The following R3HCC1L variants were observed in gnomAD, a reference collection of about 807,000 sequenced individuals.
R3HCC1L encodes the protein coiled-coil domain-containing protein R3HCC1L.
Under a neutral mutation model 59.9 loss-of-function variants are expected in R3HCC1L, and 51 were observed. That is an observed-to-expected ratio of 0.85 (90% CI 0.68 to 1.07). The LOEUF (loss-of-function observed/expected upper bound fraction) is 1.07. Among genes scored for constraint, R3HCC1L ranks in the 50% least tolerant of loss-of-function variants. R3HCC1L has a pLI of 0.00. For missense variants in R3HCC1L, 965 were observed against 933.0 expected, an observed-to-expected ratio of 1.03 and a Z score of -0.45; for synonymous variants, 322 against 315.2, an observed-to-expected ratio of 1.02 and a Z score of -0.23.
intron 4 of R3HCC1L, among the ~76,000 whole-genome samples, chr10:98,183,178 C>A (rs1342448867): frequency 6.6e-6 from 1 of 152,168 alleles, no homozygotes; most frequent in African/African-American, 2.4e-5. Flanking sequence ...TTGGAATGGA[C>A]CACAAGGCTG....
At chr10:98,231,439 TTATATA>T (rs1856377508) in intron 5 of R3HCC1L, 67 bp from the exon 6 acceptor site, 2 of 1,352,058 alleles carry the variant, frequency 1.5e-6, no homozygotes, top group East Asian at 4.8e-5. Flanking sequence ...GGAGGATTGT[TTATATA>T]TAGGAATATA....
At chr10:98,213,987 G>A (rs1486088849) in intron 5 of R3HCC1L, among the ~76,000 whole-genome samples, 3 of 152,264 alleles carry the variant, frequency 2.0e-5, no homozygotes, top group African/African-American at 7.2e-5. Context: ...CAATCCATTA[G>A]TGAATGATGA....
At chr10:98,155,431 C>T (rs1287943100) in intron 1 of R3HCC1L, among the ~76,000 whole-genome samples, 2 of 152,026 alleles carry the variant, frequency 1.3e-5, no homozygotes, top group African/African-American at 4.8e-5. Context: ...ATATAAAGAT[C>T]TTCTAACAAA....
intron 4 of R3HCC1L, among the ~76,000 whole-genome samples, chr10:98,178,819 G>C (rs1393024836): frequency 6.6e-6 from 1 of 152,112 alleles, no homozygotes. Context: ...TATTCTCTTA[G>C]TAGCAATTGT....
intron 4 of R3HCC1L, among the ~76,000 whole-genome samples, chr10:98,185,137 T>C (rs966879134): frequency 1.3e-5 from 2 of 152,206 alleles, no homozygotes; most frequent in African/African-American, 4.8e-5. Context: ...TGTCTATTGA[T>C]ACGGGATTTT....
At chr10:98,152,294 G>A (rs905522541) in intron 1 of R3HCC1L, among the ~76,000 whole-genome samples, 7 of 152,100 alleles carry the variant, frequency 4.6e-5, no homozygotes, top group African/African-American at 1.7e-4. Flanking sequence ...GCGCCATCTC[G>A]GCTAGCTACG....
At chr10:98,172,526 GGA>G (rs1282629343) in intron 4 of R3HCC1L, among the ~76,000 whole-genome samples, 1 of 152,136 alleles carries the variant, frequency 6.6e-6, no homozygotes, top group Non-Finnish European at 1.5e-5. Flanking sequence ...ATGGTGGTTT[GGA>G]GAAAGTAGAA....
intron 6 of R3HCC1L, 128 bp from the exon 7 acceptor site, chr10:98,234,318 T>C (rs1042883458): frequency 1.3e-6 from 1 of 783,406 alleles, no homozygotes; most frequent in Non-Finnish European, 2.1e-6. Context: ...TGTGTCATTA[T>C]CCCCATTCCA....
At chr10:98,228,933 A>G (rs1208414112) in intron 5 of R3HCC1L, among the ~76,000 whole-genome samples, 4 of 152,066 alleles carry the variant, frequency 2.6e-5, no homozygotes, top group Admixed American at 6.6e-5. Flanking sequence ...GTTCTGTTCC[A>G]TTGGCCTGTA....
chr10:98,158,828 GA>G (rs1170707868), intron 2 of R3HCC1L, among the ~76,000 whole-genome samples: 1 of 148,662 alleles, frequency 6.7e-6, no homozygotes, highest in Non-Finnish European at 1.5e-5. Context: ...TTTTTTTGGA[GA>G]TGGGGGTCTC....
intron 1 of R3HCC1L, among the ~76,000 whole-genome samples, chr10:98,152,230 C>T (rs1205220347): frequency 6.6e-6 from 1 of 152,260 alleles, no homozygotes; most frequent in African/African-American, 2.4e-5. Flanking sequence ...GCCGGGATTG[C>T]AGACGGAGTC....
intron 4 of R3HCC1L, among the ~76,000 whole-genome samples, chr10:98,204,598 A>G (rs1476135965): frequency 6.6e-6 from 1 of 152,154 alleles, no homozygotes; most frequent in Non-Finnish European, 1.5e-5. Flanking sequence ...TTAAATTGGC[A>G]ATATAGTGTT....
chr10:98,152,100 G>A (rs1214755046), intron 1 of R3HCC1L, among the ~76,000 whole-genome samples: 3 of 152,208 alleles, frequency 2.0e-5, no homozygotes, highest in African/African-American at 4.8e-5. Flanking sequence ...TTGCAGGCGC[G>A]CGCCGCCACG....
At chr10:98,142,569 T>G (rs907423080) in intron 1 of R3HCC1L, among the ~76,000 whole-genome samples, 4 of 149,432 alleles carry the variant, frequency 2.7e-5, no homozygotes, top group African/African-American at 9.9e-5. Context: ...GCCCAGGAGG[T>G]GGAGGTTGCA....
In R3HCC1L at chr10:98,235,498, G is replaced by A; in HGVS notation, c.2106G>A (p.Lys702=). 2 of 1,613,326 alleles carry A rather than the reference G, an allele frequency of 1.2e-6. No homozygotes were observed. The highest frequency in any genetic ancestry group is 1.1e-5 in the South Asian group (1 of 90,980). ...RPLSQATRAA[K]AKARAYAEFL... ...TGTCACAGGCCACAAGAGCAGCCAA[G>A]GCCAAAGCTAGAGCTTATGCTGGTG... The change falls in exon 8 of 10, where the codon AAG becomes AAA. Residue 702 remains lysine, a synonymous_variant. Coordinates refer to ENST00000298999, the MANE Select transcript of R3HCC1L (RefSeq NM_001351015.2).
rs140123589 is a variant in R3HCC1L at position 98,217,988 on chromosome 10, A to G, written c.1785+8089A>G. On this transcript the variant is annotated intron_variant, in intron 5 of 9. Coordinates refer to ENST00000298999, the MANE Select transcript of R3HCC1L (RefSeq NM_001351015.2). Reference sequence around the variant, plus strand: ...ATACAGTTTGACTTCCTCTTTTCCAATTTGGCAGCTCTTTATTTCTCTTTC... The same window carrying G: ...ATACAGTTTGACTTCCTCTTTTCCAGTTTGGCAGCTCTTTATTTCTCTTTC... Among the ~76,000 whole-genome samples, 585 of 152,092 alleles carry G rather than the reference A, an allele frequency of 3.8e-3. 5 individuals carry two copies. The highest frequency in any genetic ancestry group is 0.013 in the African/African-American group (528 of 41,452).
rs767695966 is a variant in R3HCC1L, at chr10:98,208,627, C to A, written c.513C>A (p.Ser171Arg). 1 of 1,614,038 alleles carries A rather than the reference C, an allele frequency of 6.2e-7. No individual in the cohort carries two copies. The highest frequency in any genetic ancestry group is 2.2e-5 in the East Asian group (1 of 44,858). ...ILLSQACLEI[S>R]EAQVPSKPFQ... ...TTTCACAGGCCTGTTTAGAAATCAGCGAGGCTCAAGTTCCAAGCAAACCAT... is the reference window on the plus strand; with the variant it reads ...TTTCACAGGCCTGTTTAGAAATCAGAGAGGCTCAAGTTCCAAGCAAACCAT... The change falls in exon 5 of 10, where the codon AGC becomes AGA. Residue 171 changes from serine to arginine, a missense_variant. Coordinates refer to ENST00000298999, the MANE Select transcript of R3HCC1L (RefSeq NM_001351015.2).
chr10:98,197,113 C>G (rs1741700722), intron 4 of R3HCC1L, among the ~76,000 whole-genome samples: 6 of 152,116 alleles, frequency 3.9e-5, no homozygotes. Flanking sequence ...CCATGCCTGG[C>G]TATTTTTGGT....
Position 98,211,643 on chromosome 10 carries a change from C to T in R3HCC1L, c.1785+1744C>T, listed in dbSNP as rs369247507. On this transcript the variant is annotated intron_variant, in intron 5 of 9. Transcript: ENST00000298999. ...TGAACAGCTTCCTCCAAAAGAAGAG[C>T]GTGGCTCTCATGGCCTTTTACACAT... 4.6e-5 allele frequency among the ~76,000 whole-genome samples: 7 copies of T among 152,256 alleles called. No individual in the cohort carries two copies. In the South Asian group the frequency reaches 1.0e-3, roughly 23 times the overall value.
Sources: gnomAD v4.1 joint callset for allele counts (sites outside exome capture counted in the v4.1 genomes callset) on GRCh38, gnomAD v4.1.1 for gene constraint, MANE v1.5 for transcripts, NCBI Gene and HGNC (gene_info 2026-07-23, HGNC 2026-07-21) for gene names.